Variants in ASIC2 observed in about 807,000 individuals in gnomAD.
ASIC2 encodes acid sensing ion channel subunit 2, also known as acid-sensing ion channel 2.
Under a neutral mutation model 57.3 loss-of-function variants are expected in ASIC2, and 25 were observed. That is an observed-to-expected ratio of 0.44 (90% CI 0.32 to 0.61). The LOEUF is 0.61. Among genes scored for constraint, ASIC2 ranks in the 20% least tolerant of loss-of-function variants. The pLI is 0.06. For missense variants in ASIC2, 641 were observed against 738.1 expected, an observed-to-expected ratio of 0.87 and a Z score of 1.52; for synonymous variants, 319 against 307.5, an observed-to-expected ratio of 1.04 and a Z score of -0.39.
chr17:33,698,827 C>T (rs865882876), intron 1 of ASIC2, among the ~76,000 whole-genome samples: 6 of 152,152 alleles, frequency 3.9e-5, no homozygotes, highest in South Asian at 2.1e-4. Flanking sequence ...GATGGAGACC[C>T]GCAGCTCATT....
At chr17:33,909,764 A>C (rs539964976) in intron 1 of ASIC2, among the ~76,000 whole-genome samples, 1 of 152,340 alleles carries the variant, frequency 6.6e-6, no homozygotes, top group Admixed American at 6.5e-5. Context: ...GGGGGTGAGA[A>C]GATATTTCCT....
At chr17:33,795,682 G>C (rs919755693) in intron 1 of ASIC2, among the ~76,000 whole-genome samples, 2 of 152,180 alleles carry the variant, frequency 1.3e-5, no homozygotes, top group African/African-American at 2.4e-5. Flanking sequence ...TGGTTTCAGG[G>C]GAGTAATGTG....
intron 3 of ASIC2, among the ~76,000 whole-genome samples, chr17:33,049,372 T>C (rs1256657504): frequency 6.7e-6 from 1 of 150,322 alleles, no homozygotes; most frequent in African/African-American, 2.5e-5. Flanking sequence ...ATCTCACTGT[T>C]TGAGAATTTC....
At chr17:33,609,242 G>T (rs1409500533) in intron 1 of ASIC2, among the ~76,000 whole-genome samples, 1 of 152,148 alleles carries the variant, frequency 6.6e-6, no homozygotes, top group Non-Finnish European at 1.5e-5. Flanking sequence ...AGGCAAAACT[G>T]TGTCATGTCA....
chr17:33,089,019 G>T, intron 2 of ASIC2, 29 bp from the exon 3 acceptor site: 1 of 1,612,818 alleles, frequency 6.2e-7, no homozygotes. Context: ...ACAGAGCCAC[G>T]GGTCAGTAAC....
intron 1 of ASIC2, among the ~76,000 whole-genome samples, chr17:33,795,665 C>T (rs1192676459): frequency 6.6e-6 from 1 of 152,206 alleles, no homozygotes; most frequent in African/African-American, 2.4e-5. Context: ...CACAGAAATA[C>T]CTTCTGTGGT....
intron 1 of ASIC2, among the ~76,000 whole-genome samples, chr17:33,839,482 C>T (rs1326227812): frequency 6.6e-6 from 1 of 152,170 alleles, no homozygotes; most frequent in Admixed American, 6.5e-5. Context: ...TGTCTCCCAG[C>T]CCCAAACTCA....
At chr17:33,785,252 C>G (rs920196493) in intron 1 of ASIC2, among the ~76,000 whole-genome samples, 2 of 152,038 alleles carry the variant, frequency 1.3e-5, no homozygotes, top group Admixed American at 1.3e-4. Flanking sequence ...AGAAGAGAGG[C>G]CCCAGGAGAA....
At position 34,025,595 on chromosome 17, in the gene ASIC2, G is replaced by T. The variant is rs182164875; in HGVS notation, c.555+130383C>A. Among the ~76,000 whole-genome samples, 1,175 of 152,210 alleles carry T rather than the reference G, an allele frequency of 7.7e-3. 7 individuals are homozygous for T. The highest frequency in any genetic ancestry group is 0.024 in the South Asian group (115 of 4,822). ...ATGACTTATATTTCAGAAAAATGTG[G>T]TTTTTTTGCATTAAATTTTCCTTAT... On this transcript the variant is annotated intron_variant, in intron 1 of 9. Coordinates refer to the ASIC2 transcript ENST00000359872.
intron 1 of ASIC2, among the ~76,000 whole-genome samples, chr17:33,579,821 G>C (rs78727543): frequency 3.0e-4 from 46 of 152,204 alleles, no homozygotes; most frequent in South Asian, 1.2e-3. Context: ...GGATTTCGGC[G>C]TCTGGCTCGG....
intron 1 of ASIC2, among the ~76,000 whole-genome samples, chr17:33,565,165 G>C (rs1916195407): frequency 6.6e-6 from 1 of 152,130 alleles, no homozygotes; most frequent in South Asian, 2.1e-4. Context: ...CTGTGTCCCT[G>C]GCTTGCCCTT....
chr17:34,155,664 G>A (rs1038965303), intron 1 of ASIC2: 8 of 337,204 alleles, frequency 2.4e-5, no homozygotes, highest in Admixed American at 4.6e-5. Context: ...CAAGCGGACC[G>A]GACAACGGAC....
At chr17:33,079,549 T>C (rs9907190) in intron 3 of ASIC2, among the ~76,000 whole-genome samples, 1 of 151,960 alleles carries the variant, frequency 6.6e-6, no homozygotes, top group Admixed American at 6.6e-5. Flanking sequence ...CTGTGGTTCA[T>C]GAGGGAGGGA....
intron 1 of ASIC2, among the ~76,000 whole-genome samples, chr17:33,818,368 A>G (rs1310476086): frequency 1.3e-5 from 2 of 152,078 alleles, no homozygotes; most frequent in Non-Finnish European, 2.9e-5. Flanking sequence ...CCTCACTGAA[A>G]CCTCATAGCA....
chr17:33,229,080 A>G (rs532993610), intron 1 of ASIC2, among the ~76,000 whole-genome samples: 1 of 152,306 alleles, frequency 6.6e-6, no homozygotes, highest in Admixed American at 6.5e-5. Context: ...ATTTCCCTTG[A>G]GACTGGAAAT....
intron 1 of ASIC2, among the ~76,000 whole-genome samples, chr17:33,920,544 G>A (rs1003231826): frequency 6.6e-6 from 1 of 152,022 alleles, no homozygotes; most frequent in Non-Finnish European, 1.5e-5. Flanking sequence ...AATAGACAGT[G>A]GGGACTACCA....
intron 1 of ASIC2, among the ~76,000 whole-genome samples, chr17:33,867,310 C>A (rs1914268156): frequency 6.6e-6 from 1 of 152,142 alleles, no homozygotes; most frequent in African/African-American, 2.4e-5. Context: ...CTTTCCTGAT[C>A]CCCTGTAATG....
intron 1 of ASIC2, among the ~76,000 whole-genome samples, chr17:33,776,630 C>T (rs1911288743): frequency 6.6e-6 from 1 of 152,132 alleles, no homozygotes; most frequent in African/African-American, 2.4e-5. Context: ...TGAATCGAGG[C>T]CAAAGGAGGG....
intron 1 of ASIC2, among the ~76,000 whole-genome samples, chr17:33,655,861 G>A (rs938354619): frequency 2.0e-4 from 30 of 152,174 alleles, no homozygotes; most frequent in African/African-American, 6.5e-4. Context: ...ATCATGAAGA[G>A]AGAGAAGTTT....
Sources: allele counts gnomAD v4.1 joint callset (sites outside exome capture counted in the v4.1 genomes callset), GRCh38; gene constraint gnomAD v4.1.1; transcripts MANE v1.5; gene names NCBI Gene and HGNC (gene_info 2026-07-23, HGNC 2026-07-21).